The following GRM1 variants were observed in gnomAD, a reference collection of about 807,000 sequenced individuals.
The protein encoded by GRM1 is glutamate metabotropic receptor 1.
Under a neutral mutation model 90.9 loss-of-function variants are expected in GRM1, and 33 were observed. That is an observed-to-expected ratio of 0.36 (90% CI 0.28 to 0.49). The LOEUF (loss-of-function observed/expected upper bound fraction) is 0.49, where lower values mean the gene tolerates loss of function less well. Among genes scored for constraint, GRM1 ranks in the 20% least tolerant of loss-of-function variants. The pLI is 0.99. For synonymous variants in GRM1, 700 were observed against 613.2 expected, an observed-to-expected ratio of 1.14 and a Z score of -2.09; for missense variants, 1,190 against 1,534.3, an observed-to-expected ratio of 0.78 and a Z score of 3.75.
At position 146,034,677 on chromosome 6, in the gene GRM1, G is replaced by A. The variant is rs1177812356; in HGVS notation, c.700+4460G>A. Among the ~76,000 whole-genome samples, 5 of 151,866 alleles carry A rather than the reference G, an allele frequency of 3.3e-5. No individual in the cohort carries two copies. The South Asian group carries it at 1.0e-3, about 32-fold the overall frequency. On this transcript the variant is annotated intron_variant, in intron 1 of 7. Transcript: ENST00000282753. ...TTAAAACCTGAATAAGATAAGGGTC[G>A]AAAGTAAAGTCTCAAACCCTTTCAC...
rs139319627 is a variant in GRM1 at position 146,322,111 on chromosome 6, G to A, written c.1186+17265G>A. On this transcript the variant is annotated intron_variant, in intron 3 of 7. Transcript: ENST00000282753. ...GGATGTTCGTTTTGTTGATGTTGATGCTATTACTTTCTGTTTGTTAGTTTT... is the reference window on the plus strand; with the variant it reads ...GGATGTTCGTTTTGTTGATGTTGATACTATTACTTTCTGTTTGTTAGTTTT... 3.8e-3 allele frequency among the ~76,000 whole-genome samples: 576 copies of A among 152,248 alleles called. 2 individuals are homozygous for A. The highest frequency in any genetic ancestry group is 0.013 in the African/African-American group (560 of 41,546).
At chr6:146,171,867 A>G (rs547569675) in intron 2 of GRM1, 1 of 242,922 alleles carries the variant, frequency 4.1e-6, no homozygotes, top group East Asian at 1.1e-4. Flanking sequence ...CCTCATTTCT[A>G]TTGTTCTTGT....
intron 3 of GRM1, among the ~76,000 whole-genome samples, chr6:146,305,426 G>A (rs943876896): frequency 3.9e-5 from 6 of 152,064 alleles, no homozygotes; most frequent in Admixed American, 3.9e-4. Context: ...AGTTCTTCAG[G>A]GGTGTGGTGA....
At chr6:146,403,323 C>A (rs1463215541) in intron 7 of GRM1, among the ~76,000 whole-genome samples, 1 of 152,068 alleles carries the variant, frequency 6.6e-6, no homozygotes, top group Non-Finnish European at 1.5e-5. Flanking sequence ...GAGTGCCAAA[C>A]AATTTGATGG....
intron 2 of GRM1, among the ~76,000 whole-genome samples, chr6:146,289,138 C>T (rs963636628): frequency 6.6e-6 from 1 of 151,992 alleles, no homozygotes; most frequent in Non-Finnish European, 1.5e-5. Flanking sequence ...AGTGTAAAAT[C>T]GCCTCAGGCA....
intron 2 of GRM1, among the ~76,000 whole-genome samples, chr6:146,297,043 A>C (rs1020079957): frequency 6.6e-6 from 1 of 152,122 alleles, no homozygotes; most frequent in Non-Finnish European, 1.5e-5. Context: ...TTCTGTCACC[A>C]TTGCTAGCAC....
At chr6:146,365,348 G>T (rs1775638196) in intron 5 of GRM1, 1 of 152,136 alleles carries the variant, frequency 6.6e-6, no homozygotes, top group Admixed American at 6.6e-5. Context: ...TATGAGTAAT[G>T]CCCACACCTT....
At position 146,429,160 on chromosome 6, in the gene GRM1, A is replaced by G. The variant is rs575419590; in HGVS notation, c.2661-4712A>G. 1.2e-4 allele frequency among the ~76,000 whole-genome samples: 18 copies of G among 152,290 alleles called. No homozygotes were observed. The South Asian group carries it at 1.5e-3, about 12-fold the overall frequency. On this transcript the variant is annotated intron_variant, in intron 7 of 7. Coordinates refer to ENST00000282753, the MANE Select transcript of GRM1 (RefSeq NM_001278064.2). ...TTAGCAAGCCAATGACTCTCTGACT[A>G]GCTTATGATGAAGGTAGAATTAAAG...
intron 2 of GRM1, among the ~76,000 whole-genome samples, chr6:146,201,770 A>G (rs915081070): frequency 6.6e-6 from 1 of 152,232 alleles, no homozygotes; most frequent in Non-Finnish European, 1.5e-5. Flanking sequence ...TTACAAGTGA[A>G]GAGGCTAAGG....
intron 5 of GRM1, among the ~76,000 whole-genome samples, chr6:146,374,156 ATCGG>A: frequency 3.1e-5 from 1 of 31,832 alleles, no homozygotes; most frequent in African/African-American, 9.1e-4. Flanking sequence ...GATATGATGT[ATCGG>A]TATCGCATTG....
At chr6:146,119,350 C>G (rs999794237) in intron 1 of GRM1, among the ~76,000 whole-genome samples, 1 of 152,096 alleles carries the variant, frequency 6.6e-6, no homozygotes, top group Non-Finnish European at 1.5e-5. Context: ...AGCCTTTTGT[C>G]AGATGAGTAG....
intron 3 of GRM1, among the ~76,000 whole-genome samples, chr6:146,326,890 C>T (rs917403171): frequency 1.3e-5 from 2 of 152,016 alleles, no homozygotes; most frequent in African/African-American, 4.8e-5. Flanking sequence ...AATAAGAATA[C>T]CAGGAAGTTA....
chr6:146,382,460 T>C (rs1776352445), intron 5 of GRM1, among the ~76,000 whole-genome samples: 1 of 152,084 alleles, frequency 6.6e-6, no homozygotes, highest in South Asian at 2.1e-4. Flanking sequence ...CATAAAATAA[T>C]GCTTTGAAAG....
intron 2 of GRM1, among the ~76,000 whole-genome samples, chr6:146,220,592 A>G (rs1780027139): frequency 6.6e-6 from 1 of 152,170 alleles, no homozygotes; most frequent in South Asian, 2.1e-4. Flanking sequence ...AATATTTTTT[A>G]GCATCTTCAT....
rs1776258234 is a variant in GRM1 at position 146,078,396 on chromosome 6, TAAGA to T, written c.700+48188_700+48191del. On this transcript the variant is annotated intron_variant, in intron 1 of 7. Transcript: ENST00000282753. ...AATAGCAGCTGTGGAAATACATTGT[TAAGA>T]AAGAAAGAGAAAAAGAAAAAGATTC... Among the ~76,000 whole-genome samples the T allele has an allele frequency of 2.0e-5, 3 of 152,206 alleles. No individual in the cohort carries two copies. The South Asian group carries it at 6.2e-4, about 32-fold the overall frequency.
chr6:146,370,646 A>C (rs1171815704), intron 5 of GRM1, among the ~76,000 whole-genome samples: 1 of 151,934 alleles, frequency 6.6e-6, no homozygotes, highest in Admixed American at 6.6e-5. Flanking sequence ...GATTAATTGA[A>C]TATATATATG....
chr6:146,267,695 C>G lies in GRM1; in HGVS notation c.951-36916C>G, dbSNP rs998477093. On this transcript the variant is annotated intron_variant, in intron 2 of 7. Transcript: ENST00000282753. ...GGGCTGGGCTGGGCTCGGCTCGGCT[C>G]GGCTCGGCTCGTCTCGTCTCGTCTC... Among the ~76,000 whole-genome samples the G allele has an allele frequency of 4.5e-4, 44 of 97,378 alleles. No individual in the cohort carries two copies. In the East Asian group the frequency reaches 8.6e-3, roughly 19 times the overall value. The allele number at this position is 97,378 out of a possible 152,430, so 63.9% of individuals were successfully genotyped here.
chr6:146,417,086 C>T (rs1368460617), intron 7 of GRM1, among the ~76,000 whole-genome samples: 1 of 152,132 alleles, frequency 6.6e-6, no homozygotes, highest in Non-Finnish European at 1.5e-5. Context: ...ATTTTCCTTG[C>T]TTCTTTGCCT....
rs561164618 is a variant in GRM1 at position 146,105,844 on chromosome 6, T to C, written c.701-53504T>C. On this transcript the variant is annotated intron_variant, in intron 1 of 7. Coordinates refer to ENST00000282753, the MANE Select transcript of GRM1 (RefSeq NM_001278064.2). Reference sequence around the variant, plus strand: ...TCATTTAACTTGCTTATTTGACAGATTGGGACTCCACAGGCTTGGAGACTC... The same window carrying C: ...TCATTTAACTTGCTTATTTGACAGACTGGGACTCCACAGGCTTGGAGACTC... 2.5e-4 allele frequency among the ~76,000 whole-genome samples: 38 copies of C among 152,266 alleles called. No homozygotes were observed. In the South Asian group the frequency reaches 7.5e-3, roughly 30 times the overall value.
Sources: allele counts gnomAD v4.1 joint callset (sites outside exome capture counted in the v4.1 genomes callset), GRCh38; gene constraint gnomAD v4.1.1; transcripts MANE v1.5; gene names NCBI Gene and HGNC (gene_info 2026-07-23, HGNC 2026-07-21).